The following LEF1 variants were observed in gnomAD, a reference collection of about 807,000 sequenced individuals.
LEF1 encodes the protein lymphoid enhancer binding factor 1.
LEF1 carries 14 observed loss-of-function variants against 51.2 expected under a neutral mutation model. That is an observed-to-expected ratio of 0.27 (90% CI 0.18 to 0.43). The LOEUF (loss-of-function observed/expected upper bound fraction) is 0.43, where lower values mean the gene tolerates loss of function less well. LEF1 is among the 20% of genes least tolerant of loss of function. The probability of loss-of-function intolerance (pLI) is 1.00; values close to 1 mark genes in which losing one functional copy is unlikely to be tolerated. For missense variants in LEF1, 386 were observed against 512.0 expected (o/e 0.75, Z 2.37); for synonymous variants, 185 against 183.2 (o/e 1.01, Z -0.08).
chr4:108,107,266 G>GT (rs77205957), intron 3 of LEF1, among the ~76,000 whole-genome samples: 8,730 of 141,358 alleles, frequency 0.062, 305 homozygotes, highest in African/African-American at 0.11. Context: ...AGAGAAAGGT[G>GT]TTTTTTTTTT....
chr4:108,067,291 A>G (rs1325842853), intron 9 of LEF1, among the ~76,000 whole-genome samples: 8 of 152,218 alleles, frequency 5.3e-5, no homozygotes, highest in African/African-American at 1.9e-4. Context: ...CCACCCATCA[A>G]CATGGAGAAG....
chr4:108,112,101 A>T (rs547872405), intron 3 of LEF1, among the ~76,000 whole-genome samples: 12 of 152,258 alleles, frequency 7.9e-5, no homozygotes, highest in Admixed American at 3.3e-4. Flanking sequence ...AAACAGTGGT[A>T]ATGACCTGTT....
intron 3 of LEF1, among the ~76,000 whole-genome samples, chr4:108,128,299 C>T (rs896903325): frequency 6.6e-6 from 1 of 152,032 alleles, no homozygotes; most frequent in African/African-American, 2.4e-5. Flanking sequence ...CAGTCCTGCC[C>T]TCTAAACACC....
chr4:108,104,705 G>GC, intron 3 of LEF1: 2 of 983,810 alleles, frequency 2.0e-6, no homozygotes, highest in Non-Finnish European at 2.4e-6. Context: ...CCCACTCCCC[G>GC]CCCTCAATTC....
intron 11 of LEF1, among the ~76,000 whole-genome samples, chr4:108,056,067 A>G (rs1270887948): frequency 1.3e-5 from 2 of 152,200 alleles, no homozygotes; most frequent in East Asian, 3.8e-4. Context: ...ATTTTGTACA[A>G]TGTGACCTTC....
At position 108,047,710 on chromosome 4, in the gene LEF1, A is replaced by G. The variant is rs149801845; in HGVS notation, c.*1048T>C. ...ATCAATGCTCATTTTAACAACTGGC[A>G]TAAAATCCCACTAATTGGCTAATAA... On this transcript the variant is annotated 3_prime_UTR_variant, in exon 12 of 12. Transcript: ENST00000265165. The G allele has an allele frequency of 1.3e-5, 2 of 152,798 alleles. No homozygotes were observed. Among genetic ancestry groups the G allele is most frequent in the African/African-American group, 4.8e-5 (2 of 41,586 alleles). The allele number at this position is 152,798 out of a possible 1,614,324, so 9.5% of individuals were successfully genotyped here.
intron 3 of LEF1, among the ~76,000 whole-genome samples, chr4:108,147,226 T>G (rs1744050960): frequency 6.6e-6 from 1 of 152,006 alleles, no homozygotes; most frequent in Admixed American, 6.6e-5. Flanking sequence ...CAGTATTTTT[T>G]CCTCTACCAC....
At chr4:108,099,576 A>ATATATGTG (rs1740647073) in intron 3 of LEF1, among the ~76,000 whole-genome samples, 2 of 39,550 alleles carry the variant, frequency 5.1e-5, no homozygotes, top group African/African-American at 3.4e-4. Context: ...GTGTGTATAT[A>ATATATGTG]TATATATATA....
chr4:108,099,574 A>ATATATATGTGTG (rs1740645359), intron 3 of LEF1, among the ~76,000 whole-genome samples: 5 of 24,936 alleles, frequency 2.0e-4, no homozygotes, highest in Admixed American at 4.1e-4. Flanking sequence ...GTGTGTGTAT[A>ATATATATGTGTG]TATATATATA....
intron 3 of LEF1, among the ~76,000 whole-genome samples, chr4:108,106,633 C>T (rs1741187347): frequency 6.6e-6 from 1 of 152,124 alleles, no homozygotes; most frequent in African/African-American, 2.4e-5. Context: ...GGTCATCGGG[C>T]TGCAAAGTGG....
rs973151206 is a variant in LEF1, at chr4:108,163,551, A to T, written c.414+17T>A. Reference sequence around the variant, plus strand: ...TGCACTTCTGAACATAATTTGCAACATCAGCATGTTACTTACTGTTCTCGG... The same window carrying T: ...TGCACTTCTGAACATAATTTGCAACTTCAGCATGTTACTTACTGTTCTCGG... On this transcript the variant is annotated intron_variant, in intron 3 of 11. Transcript: ENST00000265165. The T allele has an allele frequency of 2.5e-6, 4 of 1,607,676 alleles. No homozygotes were observed. The highest frequency in any genetic ancestry group is 3.4e-6 in the Non-Finnish European group (4 of 1,177,694).
intron 3 of LEF1, among the ~76,000 whole-genome samples, chr4:108,113,273 A>G (rs1741637166): frequency 6.6e-6 from 1 of 152,246 alleles, no homozygotes; most frequent in Admixed American, 6.5e-5. Flanking sequence ...GAAAAAAGGT[A>G]GAAGAGCTCC....
intron 3 of LEF1, 90 bp downstream of exon 3, chr4:108,163,478 A>G: frequency 7.2e-7 from 1 of 1,386,786 alleles, no homozygotes; most frequent in South Asian, 1.3e-5. Flanking sequence ...TGAAAGCATT[A>G]CCAATGAGTT....
rs1342769252 is a variant in LEF1, at chr4:108,167,388, A to G, written c.213+167T>C. 3 of 634,026 alleles carry G rather than the reference A, an allele frequency of 4.7e-6. No homozygotes were observed. The highest frequency in any genetic ancestry group is 8.3e-6 in the Non-Finnish European group (3 of 360,606). The allele number at this position is 634,026 out of a possible 1,614,324, so 39.3% of individuals were successfully genotyped here. On this transcript the variant is annotated intron_variant, in intron 1 of 11. Transcript: ENST00000265165. The surrounding 1 kb of genome is among the most constrained non-coding windows in gnomAD (Gnocchi z 5.7). ...CACACACACACACACACACACACAC[A>G]CACACACTGCGGACCGGGGGCCCAG...
intron 8 of LEF1, among the ~76,000 whole-genome samples, chr4:108,074,185 T>A (rs988514432): frequency 3.9e-5 from 6 of 152,212 alleles, no homozygotes; most frequent in Non-Finnish European, 7.3e-5. Context: ...TGGTCTTTCT[T>A]TACAGGAATT....
chr4:108,099,895 T>TG (rs1740697943), intron 3 of LEF1, among the ~76,000 whole-genome samples: 1 of 152,028 alleles, frequency 6.6e-6, no homozygotes, highest in Non-Finnish European at 1.5e-5. Flanking sequence ...ATATGTAACT[T>TG]CTTCAACTTG....
At chr4:108,139,148 C>T (rs1475498988) in intron 3 of LEF1, among the ~76,000 whole-genome samples, 2 of 152,178 alleles carry the variant, frequency 1.3e-5, no homozygotes, top group Non-Finnish European at 2.9e-5. Context: ...TCAATGTTTA[C>T]AGTAAAGTAC....
intron 6 of LEF1, 150 bp downstream of exon 6, chr4:108,081,436 C>A: frequency 1.6e-6 from 1 of 637,894 alleles, no homozygotes; most frequent in East Asian, 2.8e-5. Context: ...TCTCTGACAC[C>A]TAGTGTGGGA....
In LEF1 at chr4:108,114,348, A is replaced by G. The variant is rs189813743; in HGVS notation, c.415-25091T>C. ...GCCTAAACGATAAAGGGTTTGTAAA[A>G]GCACTTTGTATGCAAAGAATCATAT... On this transcript the variant is annotated intron_variant, in intron 3 of 11. Transcript: ENST00000265165. 2.0e-5 allele frequency among the ~76,000 whole-genome samples: 3 copies of G among 152,338 alleles called. No individual in the cohort carries two copies. In the East Asian group the frequency reaches 5.8e-4, roughly 29 times the overall value.
Sources: allele counts gnomAD v4.1 joint callset (sites outside exome capture counted in the v4.1 genomes callset), GRCh38; gene constraint gnomAD v4.1.1; non-coding constraint Gnocchi (gnomAD v3.1); transcripts MANE v1.5; gene names NCBI Gene and HGNC (gene_info 2026-07-23, HGNC 2026-07-21).